Variants in ZBTB20 observed in about 807,000 individuals in gnomAD.
ZBTB20 encodes the protein zinc finger and BTB domain containing 20.
ZBTB20 carries 9 observed loss-of-function variants against 56.9 expected under a neutral mutation model. That is an observed-to-expected ratio of 0.16 (90% confidence interval 0.10 to 0.28). The LOEUF is 0.28. ZBTB20 is among the 10% of genes least tolerant of loss of function. The pLI is 1.00. For synonymous variants in ZBTB20, 417 were observed against 420.7 expected, an observed-to-expected ratio of 0.99 and a Z score of 0.11; for missense variants, 655 against 1,003.0, an observed-to-expected ratio of 0.65 and a Z score of 4.69.
rs536229760 is a variant in ZBTB20 at position 114,383,167 on chromosome 3, C to G, written c.-153-2227G>C. Among the ~76,000 whole-genome samples the G allele has an allele frequency of 2.6e-5, 4 of 152,298 alleles. No individual in the cohort carries two copies. The East Asian group carries it at 7.7e-4, about 29-fold the overall frequency. On this transcript the variant is annotated intron_variant, in intron 8 of 11. Coordinates refer to ENST00000675478, the MANE Select transcript of ZBTB20 (RefSeq NM_001348800.3). ...TGAGGGGTATTTAATAAGAGCAGGA[C>G]TATTTTGCTCAGTAAGGCTAGGCTG...
intron 8 of ZBTB20, chr3:114,383,748 T>C (rs906083575): frequency 2.0e-5 from 3 of 152,234 alleles, no homozygotes; most frequent in Admixed American, 1.3e-4. Flanking sequence ...TGAGAAACCC[T>C]AAAACATAGC....
chr3:114,753,442 C>T (rs1448105743), intron 5 of ZBTB20, among the ~76,000 whole-genome samples: 1 of 9,382 alleles, frequency 1.1e-4, no homozygotes, highest in African/African-American at 1.6e-4. Flanking sequence ...TACACACACA[C>T]TTTTTTTTTT....
intron 6 of ZBTB20, among the ~76,000 whole-genome samples, chr3:114,516,643 A>AG (rs2109869579): frequency 6.6e-6 from 1 of 152,320 alleles, no homozygotes; most frequent in Admixed American, 6.5e-5. Flanking sequence ...GATTAAGATG[A>AG]GGTCATGCTG....
intron 6 of ZBTB20, among the ~76,000 whole-genome samples, chr3:114,574,313 A>G (rs1473042703): frequency 6.6e-6 from 1 of 152,174 alleles, no homozygotes; most frequent in Non-Finnish European, 1.5e-5. Context: ...AGTAAAATTA[A>G]TGGGTCAGAG....
At chr3:114,954,372 T>C (rs2077175444) in intron 3 of ZBTB20, among the ~76,000 whole-genome samples, 1 of 152,162 alleles carries the variant, frequency 6.6e-6, no homozygotes, top group African/African-American at 2.4e-5. Flanking sequence ...GGTAGGTAGG[T>C]AGCTATAAAA....
At chr3:114,941,264 T>C (rs1324294475) in intron 3 of ZBTB20, among the ~76,000 whole-genome samples, 1 of 146,246 alleles carries the variant, frequency 6.8e-6, no homozygotes, top group Non-Finnish European at 1.5e-5. Context: ...CTACTCTTCA[T>C]TTAGTTCTTA....
chr3:114,766,624 T>A (rs1336550050), intron 5 of ZBTB20, among the ~76,000 whole-genome samples: 1 of 151,648 alleles, frequency 6.6e-6, no homozygotes, highest in Non-Finnish European at 1.5e-5. Flanking sequence ...TGGAGAAGTT[T>A]AAAAAAACAC....
intron 11 of ZBTB20, among the ~76,000 whole-genome samples, chr3:114,347,569 T>C (rs1052092832): frequency 1.3e-5 from 2 of 152,228 alleles, no homozygotes; most frequent in Admixed American, 1.3e-4. Flanking sequence ...TGAAAAGAAC[T>C]TTGTTTGGAA....
intron 6 of ZBTB20, among the ~76,000 whole-genome samples, chr3:114,676,542 C>T (rs912063271): frequency 6.6e-6 from 1 of 151,826 alleles, no homozygotes; most frequent in Non-Finnish European, 1.5e-5. Context: ...TTTTTTGTCT[C>T]GTGTAGGGGT....
chr3:115,092,932 CT>C (rs1486204295), intron 1 of ZBTB20, among the ~76,000 whole-genome samples: 21 of 152,284 alleles, frequency 1.4e-4, no homozygotes, highest in Admixed American at 4.6e-4. Flanking sequence ...CCCACCCTAA[CT>C]TTTCTCCATT....
At chr3:114,639,117 G>A (rs1447351779) in intron 6 of ZBTB20, among the ~76,000 whole-genome samples, 1 of 152,036 alleles carries the variant, frequency 6.6e-6, no homozygotes, top group Non-Finnish European at 1.5e-5. Context: ...AACTATTATC[G>A]CATTTGCTTT....
chr3:115,075,342 A>G (rs2082557139), intron 1 of ZBTB20, among the ~76,000 whole-genome samples: 1 of 152,084 alleles, frequency 6.6e-6, no homozygotes, highest in Non-Finnish European at 1.5e-5. Context: ...TATGAATTTA[A>G]TTATTTTAGA....
At chr3:115,006,743 G>C (rs1029776799) in intron 2 of ZBTB20, among the ~76,000 whole-genome samples, 8 of 151,586 alleles carry the variant, frequency 5.3e-5, no homozygotes, top group Admixed American at 5.3e-4. Context: ...AGACATACCA[G>C]GCTGGAGGAA....
intron 6 of ZBTB20, among the ~76,000 whole-genome samples, chr3:114,544,451 TTCTTTCTTTC>T (rs1339326607): frequency 1.6e-5 from 2 of 122,802 alleles, no homozygotes; most frequent in East Asian, 2.3e-4. Flanking sequence ...CTTTCTTTCT[TTCTTTCTTTC>T]TTTCTTTCTT....
chr3:114,772,369 T>C (rs571073418), intron 5 of ZBTB20, among the ~76,000 whole-genome samples: 1 of 152,004 alleles, frequency 6.6e-6, no homozygotes, highest in South Asian at 2.1e-4. Flanking sequence ...AAAAATAAAT[T>C]AGTAATCTCA....
intron 6 of ZBTB20, among the ~76,000 whole-genome samples, chr3:114,601,874 T>C (rs543705543): frequency 6.6e-6 from 1 of 151,968 alleles, no homozygotes; most frequent in African/African-American, 2.4e-5. Context: ...TAGGGTTAGA[T>C]CACATGAGAG....
chr3:114,685,796 G>A (rs1182653391), intron 6 of ZBTB20, among the ~76,000 whole-genome samples: 3 of 152,078 alleles, frequency 2.0e-5, no homozygotes, highest in Non-Finnish European at 4.4e-5. Context: ...CATACCGTAT[G>A]CTTTGACAAA....
chr3:114,577,263 T>A (rs76120418), intron 6 of ZBTB20, among the ~76,000 whole-genome samples: 14,220 of 150,774 alleles, frequency 0.094, 770 homozygotes, highest in African/African-American at 0.14. Flanking sequence ...CATATAAATT[T>A]AAAAAAAAAG....
chr3:114,722,481 T>G (rs1489029707), intron 5 of ZBTB20, among the ~76,000 whole-genome samples: 2 of 152,176 alleles, frequency 1.3e-5, no homozygotes, highest in South Asian at 2.1e-4. Context: ...ATAAATTATT[T>G]TGAAAGTAAA....
Sources: gnomAD v4.1 joint callset for allele counts (sites outside exome capture counted in the v4.1 genomes callset) on GRCh38, gnomAD v4.1.1 for gene constraint, MANE v1.5 for transcripts, NCBI Gene and HGNC (gene_info 2026-07-23, HGNC 2026-07-21) for gene names.